RASGRF1: variants seen among roughly 807,000 people sequenced by gnomAD.
RASGRF1 encodes the protein Ras protein specific guanine nucleotide releasing factor 1, also known as ras-specific guanine nucleotide-releasing factor 1.
A neutral mutation model predicts 138.7 loss-of-function variants in RASGRF1; 40 were observed. The ratio of observed to expected loss-of-function variants is 0.29; its 90% CI spans 0.22 to 0.38. RASGRF1 has a LOEUF of 0.38. Ranked by LOEUF, RASGRF1 falls within the 10% of genes least tolerant of loss-of-function variation. The pLI is 1.00. For synonymous variants in RASGRF1, 614 were observed against 663.2 expected (o/e 0.93, Z 1.14); for missense variants, 1,108 against 1,650.4 (o/e 0.67, Z 5.69).
rs1323344066 is a variant in RASGRF1, at chr15:79,003,654, C to T, written c.2449+148G>A. On this transcript the variant is annotated intron_variant, in intron 15 of 26. Transcript: ENST00000558480. ...TCTGCACCGCCCAGACTCTGTGCTG[C>T]CTCCACTATCTGCCTGGTGGGACCC... 2.4e-6 allele frequency: 3 copies of T among 1,264,286 alleles called. No individual in the cohort carries two copies. The Admixed American group carries it at 7.8e-5, about 33-fold the overall frequency. The allele number at this position is 1,264,286 out of a possible 1,614,324, so 78.3% of individuals were successfully genotyped here.
intron 3 of RASGRF1, among the ~76,000 whole-genome samples, chr15:79,052,691 G>C (rs1384354752): frequency 1.3e-5 from 2 of 152,240 alleles, no homozygotes; most frequent in African/African-American, 4.8e-5. Flanking sequence ...AGGTTTTGAA[G>C]GGCAAACAGG....
rs1427311805 is a variant in RASGRF1, at chr15:78,991,288, C to T, written c.3131+403G>A. The stretch of plus-strand genomic sequence containing the variant: ...TGAGGCCAGAACAGGTAACAGCAGG[C>T]CTTGGGGCTTCTTCAAAGTCCACGC... On this transcript the variant is annotated intron_variant, in intron 21 of 26. Coordinates refer to ENST00000558480, the MANE Select transcript of RASGRF1 (RefSeq NM_001145648.3). Among the ~76,000 whole-genome samples the T allele has an allele frequency of 2.0e-5, 3 of 152,170 alleles. No homozygotes were observed. In the East Asian group the frequency reaches 5.8e-4, roughly 29 times the overall value.
rs987910483 is a variant in RASGRF1 at position 79,050,040 on chromosome 15, G to C, written c.532-452C>G. ...CCATTTTAACAATTTTTAAGGGTAT[G>C]GTTCAGTGGCATTAAGGACATTCAC... is the stretch of plus-strand genomic sequence containing the variant. On this transcript the variant is annotated intron_variant, in intron 3 of 26. Transcript: ENST00000558480. The surrounding 1 kb of genome is among the most constrained non-coding windows in gnomAD (Gnocchi z 4.1). Among the ~76,000 whole-genome samples the C allele has an allele frequency of 1.3e-5, 2 of 152,176 alleles. No homozygotes were observed. Among genetic ancestry groups the C allele is most frequent in the Admixed American group, 6.5e-5 (1 of 15,274 alleles).
chr15:78,966,530 G>A (rs77243067), intron 26 of RASGRF1, among the ~76,000 whole-genome samples: 9 of 152,102 alleles, frequency 5.9e-5, no homozygotes, highest in East Asian at 1.9e-4. Context: ...GAGAGCCACC[G>A]TGCCAGGCCC....
rs1489773181 is a variant in RASGRF1, at chr15:79,050,937, C to T, written c.532-1349G>A. On this transcript the variant is annotated intron_variant, in intron 3 of 26. Transcript: ENST00000558480. This position sits in a 1 kb window ranked among gnomAD's most constrained non-coding sequence, Gnocchi z 4.1. ...AAGGGAGAAGGGATTGCAGCTGTTTCATTTATTGTGCTCCTGGTGCCTAGC... is the reference window on the plus strand; with the variant it reads ...AAGGGAGAAGGGATTGCAGCTGTTTTATTTATTGTGCTCCTGGTGCCTAGC... 6.6e-6 allele frequency among the ~76,000 whole-genome samples: 1 copy of T among 152,190 alleles called. No homozygotes were observed. Among genetic ancestry groups the T allele is most frequent in the East Asian group, 1.9e-4 (1 of 5,190 alleles).
In RASGRF1 at chr15:78,999,884, C is replaced by T. The variant is rs774356002; in HGVS notation, c.2605G>A (p.Val869Ile). The part of the protein sequence containing the change: ...EFPLFSYNNG[V>I]VMTSCRELDN... Reference sequence around the variant, plus strand: ...AGTTCACGACAGGAGGTCATGACGACTCCATTGTTATAGGAAAAGAGTGGG... The same window carrying T: ...AGTTCACGACAGGAGGTCATGACGATTCCATTGTTATAGGAAAAGAGTGGG... The change falls in exon 17 of 27, where the codon GTC (valine) becomes ATC (isoleucine). Residue 869 changes from valine (V) to isoleucine (I), a missense_variant. Coordinates refer to ENST00000558480, the MANE Select transcript of RASGRF1 (RefSeq NM_001145648.3). The T allele has an allele frequency of 6.2e-7, 1 of 1,614,146 alleles. No homozygotes were observed. The highest frequency in any genetic ancestry group is 8.5e-7 in the Non-Finnish European group (1 of 1,180,000).
intron 24 of RASGRF1, chr15:78,978,381 C>T (rs1467632662): frequency 1.2e-5 from 5 of 404,538 alleles, no homozygotes; most frequent in Admixed American, 6.4e-5. Context: ...TGTGCCACCA[C>T]GCCTGGCTAA....
chr15:79,048,628 G>C (rs1167274459), intron 4 of RASGRF1, among the ~76,000 whole-genome samples: 1 of 152,198 alleles, frequency 6.6e-6, no homozygotes, highest in African/African-American at 2.4e-5. Flanking sequence ...CAGAAATCCA[G>C]ATTTTTGTGT....
chr15:79,035,091 G>T, intron 6 of RASGRF1, 40 bp downstream of exon 6: 1 of 1,549,554 alleles, frequency 6.5e-7, no homozygotes, highest in Non-Finnish European at 8.8e-7. Context: ...CCCCTGGAGG[G>T]GGACTTCTCT....
At chr15:79,014,927 AAAAC>A in intron 13 of RASGRF1, among the ~76,000 whole-genome samples, 2 of 140,410 alleles carry the variant, frequency 1.4e-5, no homozygotes, top group African/African-American at 6.1e-5. Flanking sequence ...AAAAAAACAA[AAAAC>A]AAAAAACAAA....
intron 22 of RASGRF1, among the ~76,000 whole-genome samples, chr15:78,987,832 C>T (rs1353249561): frequency 6.6e-6 from 1 of 152,096 alleles, no homozygotes; most frequent in African/African-American, 2.4e-5. Flanking sequence ...GTGTGGGGTA[C>T]AAGTGCAGAA....
chr15:79,067,211 C>T (rs1379812379), intron 1 of RASGRF1, among the ~76,000 whole-genome samples: 3 of 152,214 alleles, frequency 2.0e-5, no homozygotes, highest in African/African-American at 7.2e-5. Context: ...GCTCCAGGGG[C>T]CAGGGCGAGC....
chr15:79,060,426 G>A (rs1433012512), intron 2 of RASGRF1, among the ~76,000 whole-genome samples: 2 of 152,208 alleles, frequency 1.3e-5, no homozygotes, highest in Admixed American at 6.5e-5. Context: ...TTGTTCACAG[G>A]TAGGTGGTAT....
At chr15:79,069,935 C>T (rs1351329131) in intron 1 of RASGRF1, among the ~76,000 whole-genome samples, 1 of 152,176 alleles carries the variant, frequency 6.6e-6, no homozygotes, top group Non-Finnish European at 1.5e-5. Context: ...AAACCTTGGC[C>T]CTTATGAGGC....
chr15:78,976,255 G>T (rs893815888), intron 24 of RASGRF1, among the ~76,000 whole-genome samples: 3 of 152,152 alleles, frequency 2.0e-5, no homozygotes, highest in Non-Finnish European at 4.4e-5. Flanking sequence ...CCCAGCCCCA[G>T]TACTAACCTC....
intron 1 of RASGRF1, among the ~76,000 whole-genome samples, chr15:79,071,627 C>A (rs1028335303): frequency 2.6e-5 from 4 of 151,990 alleles, no homozygotes; most frequent in African/African-American, 9.7e-5. Flanking sequence ...TCCTTGGCCT[C>A]CCAAAGTACT....
intron 5 of RASGRF1, among the ~76,000 whole-genome samples, chr15:79,038,369 T>G (rs2141011963): frequency 6.6e-6 from 1 of 152,324 alleles, no homozygotes; most frequent in South Asian, 2.1e-4. Flanking sequence ...AAGCTAGAAT[T>G]ATAAAAATTT....
intron 3 of RASGRF1, 34 bp from the exon 4 acceptor site, chr15:79,049,622 C>A: frequency 1.3e-6 from 2 of 1,582,036 alleles, no homozygotes; most frequent in Non-Finnish European, 8.6e-7. Flanking sequence ...CTGTGAGGGG[C>A]GCTGGCTCAC....
intron 1 of RASGRF1, among the ~76,000 whole-genome samples, chr15:79,080,323 T>A (rs1004206109): frequency 2.0e-5 from 3 of 151,728 alleles, no homozygotes; most frequent in South Asian, 2.1e-4. Flanking sequence ...TGGCCACTAG[T>A]GCAGTGAGGG....
Sources: allele counts gnomAD v4.1 joint callset (sites outside exome capture counted in the v4.1 genomes callset), GRCh38; gene constraint gnomAD v4.1.1; non-coding constraint Gnocchi (gnomAD v3.1); transcripts MANE v1.5; gene names NCBI Gene and HGNC (gene_info 2026-07-23, HGNC 2026-07-21).